HERC3: variants seen among roughly 807,000 people sequenced by gnomAD.
HERC3 encodes the protein probable E3 ubiquitin-protein ligase HERC3.
HERC3 carries 58 observed loss-of-function variants against 129.9 expected under a neutral mutation model. That is an observed-to-expected ratio of 0.45 (90% confidence interval 0.36 to 0.56). The LOEUF (loss-of-function observed/expected upper bound fraction) is 0.56, where lower values mean the gene tolerates loss of function less well. HERC3 is among the 20% of genes least tolerant of loss of function. HERC3 has a pLI of 0.00. For missense variants in HERC3, 835 were observed against 1,244.2 expected (o/e 0.67, Z 4.95); for synonymous variants, 430 against 451.0 (o/e 0.95, Z 0.59).
the HERC3 span, chr4:88,527,433 A>G: frequency 6.3e-6 from 1 of 158,190 alleles, no homozygotes; most frequent in East Asian, 1.9e-4. Flanking sequence ...AATTTCTAAA[A>G]TTTTTTTTGT....
chr4:88,643,448 A>G (rs2149260259), intron 3 of HERC3, among the ~76,000 whole-genome samples: 1 of 152,358 alleles, frequency 6.6e-6, no homozygotes, highest in South Asian at 2.1e-4. Flanking sequence ...ATTTTGAAAA[A>G]TATGAATAAA....
intron 23 of HERC3, among the ~76,000 whole-genome samples, chr4:88,694,734 C>T (rs1284204646): frequency 6.6e-6 from 1 of 152,172 alleles, no homozygotes; most frequent in African/African-American, 2.4e-5. Context: ...TTCAGTCTTA[C>T]TATCCAAAGG....
At chr4:88,665,053 A>C (rs1036276794) in intron 12 of HERC3, among the ~76,000 whole-genome samples, 1 of 152,194 alleles carries the variant, frequency 6.6e-6, no homozygotes, top group Non-Finnish European at 1.5e-5. Context: ...AAGATGAATT[A>C]GACTTCATTT....
the HERC3 span, among the ~76,000 whole-genome samples, chr4:88,567,357 C>T: frequency 6.6e-6 from 1 of 152,112 alleles, no homozygotes; most frequent in Non-Finnish European, 1.5e-5. Context: ...CCGTTATTAG[C>T]CCTTTGAATA....
chr4:88,610,148 C>T (rs1475841906), intron 3 of HERC3, among the ~76,000 whole-genome samples: 2 of 152,034 alleles, frequency 1.3e-5, no homozygotes, highest in African/African-American at 2.4e-5. Context: ...CCTGTCTCAT[C>T]CTGTGACTTA....
the HERC3 span, among the ~76,000 whole-genome samples, chr4:88,555,557 CT>C: frequency 6.6e-6 from 1 of 151,556 alleles, no homozygotes; most frequent in African/African-American, 2.4e-5. Flanking sequence ...GTTTTTATGG[CT>C]AATTATCATT....
chr4:88,585,042 C>A, the HERC3 span, among the ~76,000 whole-genome samples: 2 of 152,118 alleles, frequency 1.3e-5, no homozygotes, highest in African/African-American at 4.8e-5. Flanking sequence ...ATCAAGGCAC[C>A]AGCAGATTTG....
At chr4:88,624,508 AT>A in intron 3 of HERC3, among the ~76,000 whole-genome samples, 1 of 152,152 alleles carries the variant, frequency 6.6e-6, no homozygotes, top group Non-Finnish European at 1.5e-5. Context: ...TATTTTTGCC[AT>A]TTGGGTATCT....
intron 21 of HERC3, among the ~76,000 whole-genome samples, chr4:88,684,159 CAAGACAATCCT>C (rs757036660): frequency 3.9e-5 from 6 of 152,086 alleles, no homozygotes; most frequent in Non-Finnish European, 7.4e-5. Context: ...CCCATATAGC[CAAGACAATCCT>C]AAGCAAAAGC....
chr4:88,572,518 T>C, the HERC3 span, among the ~76,000 whole-genome samples: 1 of 152,126 alleles, frequency 6.6e-6, no homozygotes, highest in African/African-American at 2.4e-5. Context: ...TTGATATAAT[T>C]GCAGTCTTTT....
chr4:88,596,553 C>A (rs547054384), intron 2 of HERC3, among the ~76,000 whole-genome samples: 1 of 152,322 alleles, frequency 6.6e-6, no homozygotes, highest in East Asian at 1.9e-4. Context: ...ATGAGTAAAA[C>A]CTGGTTCCTT....
intron 2 of HERC3, among the ~76,000 whole-genome samples, chr4:88,597,555 C>T (rs985654068): frequency 3.3e-5 from 5 of 152,262 alleles, no homozygotes; most frequent in South Asian, 4.2e-4. Flanking sequence ...ATATTCCCAC[C>T]AGCTGTCTAT....
chr4:88,623,366 C>T (rs1371337252), intron 3 of HERC3, among the ~76,000 whole-genome samples: 1 of 152,224 alleles, frequency 6.6e-6, no homozygotes, highest in Non-Finnish European at 1.5e-5. Context: ...ATCCTCTGTC[C>T]TCCCATAATG....
intron 3 of HERC3, among the ~76,000 whole-genome samples, chr4:88,632,948 A>G (rs1324139461): frequency 6.6e-6 from 1 of 152,204 alleles, no homozygotes; most frequent in Non-Finnish European, 1.5e-5. Context: ...ATCATAATCA[A>G]ACTTCTAAAA....
intron 23 of HERC3, chr4:88,697,017 A>G (rs934462011): frequency 1.2e-5 from 6 of 514,646 alleles, no homozygotes; most frequent in African/African-American, 9.9e-5. Flanking sequence ...GTTCAAAATG[A>G]AAGTCAAATT....
intron 16 of HERC3, among the ~76,000 whole-genome samples, chr4:88,672,703 T>C (rs926522129): frequency 6.6e-6 from 1 of 152,220 alleles, no homozygotes; most frequent in Non-Finnish European, 1.5e-5. Flanking sequence ...AGTTACCTAA[T>C]TTCTATAGGC....
the HERC3 span, among the ~76,000 whole-genome samples, chr4:88,541,689 A>T: frequency 1.3e-5 from 2 of 152,144 alleles, no homozygotes; most frequent in African/African-American, 4.8e-5. Flanking sequence ...TGACCACATA[A>T]TTGGAAGTAA....
At chr4:88,695,490 A>G (rs1458817103) in intron 23 of HERC3, among the ~76,000 whole-genome samples, 3 of 152,204 alleles carry the variant, frequency 2.0e-5, no homozygotes, top group Non-Finnish European at 4.4e-5. Context: ...CTGATATTAT[A>G]TTGAGGAAAC....
At chr4:88,627,372 C>G (rs1186135028) in intron 3 of HERC3, among the ~76,000 whole-genome samples, 2 of 151,828 alleles carry the variant, frequency 1.3e-5, no homozygotes, top group African/African-American at 4.8e-5. Context: ...AAACAATATA[C>G]TATTGTTATT....
Sources: allele counts gnomAD v4.1 joint callset (sites outside exome capture counted in the v4.1 genomes callset), GRCh38; gene constraint gnomAD v4.1.1; transcripts MANE v1.5; gene names NCBI Gene and HGNC (gene_info 2026-07-23, HGNC 2026-07-21).